The following ZNF577 variants were observed in gnomAD, a reference collection of about 807,000 sequenced individuals.
ZNF577 encodes zinc finger protein 577.
ZNF577 carries 14 observed loss-of-function variants against 13.9 expected under a neutral mutation model. The ratio of observed to expected loss-of-function variants is 1.00; its 90% CI spans 0.66 to 1.57. ZNF577 has a LOEUF of 1.57. Among genes scored for constraint, ZNF577 ranks in the 40% most tolerant of loss-of-function variants. The probability of loss-of-function intolerance (pLI) is 0.00; values close to 1 mark genes in which losing one functional copy is unlikely to be tolerated. For synonymous variants in ZNF577, 203 were observed against 202.9 expected (o/e 1.00, Z 0.00); for missense variants, 555 against 579.2 (o/e 0.96, Z 0.43).
At chr19:51,808,160 T>C (rs1018795364) in intron 10 of ZNF577, among the ~76,000 whole-genome samples, 1 of 152,206 alleles carries the variant, frequency 6.6e-6, no homozygotes, top group African/African-American at 2.4e-5. Flanking sequence ...CGTGCAGGGT[T>C]TGGTAAATAT....
intron 9 of ZNF577, among the ~76,000 whole-genome samples, chr19:51,830,875 C>T (rs1011176222): frequency 1.3e-5 from 2 of 151,978 alleles, no homozygotes; most frequent in African/African-American, 2.4e-5. Context: ...TAAATGACTC[C>T]CCCTAAACAT....
chr19:51,835,958 G>A (rs766523560), intron 9 of ZNF577, among the ~76,000 whole-genome samples: 11 of 152,214 alleles, frequency 7.2e-5, no homozygotes, highest in Non-Finnish European at 1.6e-4. Flanking sequence ...CTCCCAAAGT[G>A]CTGGGATTAC....
At chr19:51,839,137 G>C (rs1191447535) in intron 9 of ZNF577, among the ~76,000 whole-genome samples, 2 of 152,132 alleles carry the variant, frequency 1.3e-5, no homozygotes, top group African/African-American at 4.8e-5. Flanking sequence ...AAAACTTACA[G>C]CATTTCAATA....
chr19:51,880,277 T>C (rs757024072), intron 3 of ZNF577, 46 bp downstream of exon 3: 1 of 1,593,398 alleles, frequency 6.3e-7, no homozygotes, highest in Non-Finnish European at 8.6e-7. Context: ...AAAAGCTCTC[T>C]GAAGGAAAGA....
chr19:51,872,795 A>G lies in ZNF577; in HGVS notation c.1195T>C (p.Tyr399His). The change falls in exon 6 of 6, where the codon TAC becomes CAC. Residue 399 changes from tyrosine (Y) to histidine (H), a missense_variant. By Grantham distance (83) the Tyr-to-His change is moderately conservative. Transcript: ENST00000638348. ...TGCTCTTGTATGAGTTCGCTCATGT[A>G]TAAGGAGGTATGACTCCTTGAGGAA... Reference protein sequence around the residue: ...KPSSRSHTSLYMSELIQEQKT... With the variant: ...KPSSRSHTSLHMSELIQEQKT... 1 of 1,614,218 alleles carries G rather than the reference A, an allele frequency of 6.2e-7. No homozygotes were observed. The highest frequency in any genetic ancestry group is 8.5e-7 in the Non-Finnish European group (1 of 1,180,032).
chr19:51,854,333 A>AT (rs142092392), intron 5 of ZNF577, among the ~76,000 whole-genome samples: 10,035 of 145,422 alleles, frequency 0.069, 457 homozygotes, highest in African/African-American at 0.14. Flanking sequence ...TGCTATTTGG[A>AT]TTTTTTTTTT....
intron 9 of ZNF577, among the ~76,000 whole-genome samples, chr19:51,826,784 G>C (rs1158411980): frequency 6.6e-6 from 1 of 152,180 alleles, no homozygotes; most frequent in Non-Finnish European, 1.5e-5. Context: ...ACTAGGGAAT[G>C]GGTGCTGCTG....
chr19:51,821,888 T>C (rs1262413483), intron 9 of ZNF577, among the ~76,000 whole-genome samples: 3 of 152,216 alleles, frequency 2.0e-5, no homozygotes, highest in Admixed American at 2.0e-4. Flanking sequence ...GAACAAGTGC[T>C]GTATAATTGC....
intron 5 of ZNF577, among the ~76,000 whole-genome samples, chr19:51,845,463 T>G (rs934771798): frequency 6.6e-6 from 1 of 151,840 alleles, no homozygotes; most frequent in Non-Finnish European, 1.5e-5. Context: ...CACTCCAACC[T>G]GGGCAACAAG....
At chr19:51,848,087 C>G (rs1251930823) in intron 5 of ZNF577, among the ~76,000 whole-genome samples, 2 of 152,176 alleles carry the variant, frequency 1.3e-5, no homozygotes, top group Admixed American at 1.3e-4. Flanking sequence ...TTCCGCTGAC[C>G]AGGCCGAAAA....
chr19:51,848,794 T>G (rs1356961092), intron 5 of ZNF577, among the ~76,000 whole-genome samples: 2 of 152,196 alleles, frequency 1.3e-5, no homozygotes, highest in Non-Finnish European at 2.9e-5. Context: ...CAACATTATT[T>G]AAAGTTGATC....
intron 5 of ZNF577, among the ~76,000 whole-genome samples, chr19:51,850,672 A>G (rs1177051282): frequency 6.6e-6 from 1 of 152,250 alleles, no homozygotes; most frequent in African/African-American, 2.4e-5. Flanking sequence ...GTCAGAAATG[A>G]GAGTAATCAT....
intron 5 of ZNF577, among the ~76,000 whole-genome samples, chr19:51,857,751 T>G (rs73934689): frequency 0.034 from 5,163 of 152,074 alleles, 266 homozygotes; most frequent in African/African-American, 0.12. Context: ...GATACATATA[T>G]ATCTGTACAC....
At position 51,869,638 on chromosome 19, in the gene ZNF577, C is replaced by A. The variant is rs1189695916; in HGVS notation, c.*2894G>T. On this transcript the variant is annotated 3_prime_UTR_variant, in exon 6 of 6. Coordinates refer to ENST00000638348, the MANE Select transcript of ZNF577 (RefSeq NM_001370449.1). Reference sequence around the variant, plus strand: ...CTGTGTCTTATTTCTTATTTCTTTTCTCAGTCTCTCGTCCCCCCTGACGAG... The same window carrying A: ...CTGTGTCTTATTTCTTATTTCTTTTATCAGTCTCTCGTCCCCCCTGACGAG... Among the ~76,000 whole-genome samples the A allele has an allele frequency of 6.6e-6, 1 of 152,050 alleles. No individual in the cohort carries two copies. Among genetic ancestry groups the A allele is most frequent in the Non-Finnish European group, 1.5e-5 (1 of 68,026 alleles).
In ZNF577 at chr19:51,887,497, C is replaced by T. The variant is rs892041391; in HGVS notation, c.-895G>A. 6 of 152,170 alleles carry T rather than the reference C, an allele frequency of 3.9e-5. No individual in the cohort carries two copies. The highest frequency in any genetic ancestry group is 8.8e-5 in the Non-Finnish European group (6 of 68,058). The allele number at this position is 152,170 out of a possible 1,614,324, so 9.4% of individuals were successfully genotyped here. A position where few individuals can be genotyped will look rare whatever the true frequency, so the allele number is the denominator to read the frequency against. On this transcript the variant is annotated 5_prime_UTR_variant, in exon 1 of 6. Transcript: ENST00000638348. ...CCATTTTCTACAGAATATACAGCAG[C>T]AGGGAAGCAAGGGGACCAGCAGACC...
chr19:51,861,113 CT>C (rs368241227), intron 5 of ZNF577: 15,578 of 182,946 alleles, frequency 0.085, no homozygotes, highest in South Asian at 0.11. Flanking sequence ...TTGACTCTCT[CT>C]TTTTTTTTTT....
chr19:51,861,109 CTCTCTT>C (rs981680746), intron 5 of ZNF577: 15 of 261,606 alleles, frequency 5.7e-5, no homozygotes, highest in South Asian at 1.0e-4. Flanking sequence ...ATAATTGACT[CTCTCTT>C]TTTTTTTTTT....
At chr19:51,861,622 C>T (rs72626249) in intron 5 of ZNF577, 31,555 of 152,128 alleles carry the variant, frequency 0.21, 3,931 homozygotes, top group South Asian at 0.4. Flanking sequence ...TCTCATATTC[C>T]AAGTCACTGC....
intron 8 of ZNF577, among the ~76,000 whole-genome samples, chr19:51,841,635 T>C (rs976054709): frequency 7.2e-5 from 11 of 152,158 alleles, no homozygotes; most frequent in Admixed American, 4.6e-4. Context: ...TAGAAAATAT[T>C]AGGCCCGATG....
Sources: allele counts gnomAD v4.1 joint callset (sites outside exome capture counted in the v4.1 genomes callset), GRCh38; gene constraint gnomAD v4.1.1; transcripts MANE v1.5; gene names NCBI Gene and HGNC (gene_info 2026-07-23, HGNC 2026-07-21).